The following POU6F2 variants were observed in gnomAD, a reference collection of about 807,000 sequenced individuals.
The protein encoded by POU6F2 is POU class 6 homeobox 2.
In POU6F2, 31 loss-of-function variants were observed where a neutral mutation model predicts 71.3. The observed-to-expected ratio is 0.43, with a 90% CI of 0.33 to 0.59. The LOEUF (loss-of-function observed/expected upper bound fraction) is 0.59, where lower values mean the gene tolerates loss of function less well. Among genes scored for constraint, POU6F2 ranks in the 20% least tolerant of loss-of-function variants. POU6F2 has a pLI of 0.04. For synonymous variants in POU6F2, 347 were observed against 355.7 expected, an observed-to-expected ratio of 0.98 and a Z score of 0.27; for missense variants, 783 against 856.8, an observed-to-expected ratio of 0.91 and a Z score of 1.07.
At chr7:39,193,709 G>A (rs1793717751) in intron 2 of POU6F2, among the ~76,000 whole-genome samples, 1 of 152,174 alleles carries the variant, frequency 6.6e-6, no homozygotes, top group African/African-American at 2.4e-5. Context: ...GTATTGAGTC[G>A]ATGGCAGCTA....
intron 2 of POU6F2, 92 bp downstream of exon 2, chr7:39,086,123 A>AT: frequency 8.1e-7 from 1 of 1,228,546 alleles, no homozygotes; most frequent in South Asian, 1.6e-5. Flanking sequence ...TCTGTTGTTC[A>AT]TTCAGTTTTC....
chr7:39,411,168 T>G (rs189311180), intron 6 of POU6F2, among the ~76,000 whole-genome samples: 220 of 152,300 alleles, frequency 1.4e-3, no homozygotes, highest in African/African-American at 5.0e-3. Context: ...ATTAAGTTAT[T>G]TTAAGGAAAT....
intron 2 of POU6F2, among the ~76,000 whole-genome samples, chr7:39,181,050 A>C (rs1793425138): frequency 6.6e-6 from 1 of 152,170 alleles, no homozygotes; most frequent in Non-Finnish European, 1.5e-5. Flanking sequence ...GTAGAGAAAA[A>C]CAGTCCTGTT....
intron 5 of POU6F2, among the ~76,000 whole-genome samples, chr7:39,351,521 C>T (rs1786139000): frequency 6.6e-6 from 1 of 152,136 alleles, no homozygotes; most frequent in South Asian, 2.1e-4. Flanking sequence ...CTTCTCAAAA[C>T]AAGAACAATT....
At chr7:39,440,949 T>A (rs1788388825) in intron 7 of POU6F2, among the ~76,000 whole-genome samples, 1 of 152,162 alleles carries the variant, frequency 6.6e-6, no homozygotes, top group Admixed American at 6.5e-5. Flanking sequence ...AAGTCCCTCT[T>A]CTGTAGGGCT....
chr7:39,445,466 C>T (rs1052678174), intron 7 of POU6F2, among the ~76,000 whole-genome samples: 6 of 152,140 alleles, frequency 3.9e-5, no homozygotes, highest in Non-Finnish European at 8.8e-5. Flanking sequence ...CATTCTGTGC[C>T]CCTGGCCTAG....
At chr7:39,220,655 G>T (rs977746683) in intron 4 of POU6F2, among the ~76,000 whole-genome samples, 26 of 152,142 alleles carry the variant, frequency 1.7e-4, no homozygotes, top group Non-Finnish European at 2.8e-4. Flanking sequence ...ACACTGACCA[G>T]ATTTACTTCC....
At chr7:38,999,969 T>C (rs1169502816) in intron 1 of POU6F2, among the ~76,000 whole-genome samples, 1 of 152,182 alleles carries the variant, frequency 6.6e-6, no homozygotes, top group East Asian at 1.9e-4. Context: ...TTCCCTAAAG[T>C]AGGTACTAAA....
intron 6 of POU6F2, among the ~76,000 whole-genome samples, chr7:39,432,058 T>A (rs150020932): frequency 6.6e-6 from 1 of 152,340 alleles, no homozygotes; most frequent in African/African-American, 2.4e-5. Context: ...TTTTACAGAT[T>A]ACATCTGTCA....
rs557917480 is a variant in POU6F2 at position 39,123,734 on chromosome 7, C to T, written c.277+37703C>T. On this transcript the variant is annotated intron_variant, in intron 2 of 9. Coordinates refer to ENST00000518318, the MANE Select transcript of POU6F2 (RefSeq NM_001370959.1). The stretch of plus-strand genomic sequence containing the variant: ...CTGCACTGCCTCATAGCAATGACTC[C>T]TCAGTTTCTTGGAGAGTTTTACCTT... 9.9e-5 allele frequency among the ~76,000 whole-genome samples: 15 copies of T among 151,618 alleles called. No individual in the cohort carries two copies. In the South Asian group the frequency reaches 2.9e-3, roughly 29 times the overall value.
chr7:39,397,113 C>T (rs1227775528), intron 5 of POU6F2, among the ~76,000 whole-genome samples: 1 of 151,904 alleles, frequency 6.6e-6, no homozygotes, highest in Non-Finnish European at 1.5e-5. Flanking sequence ...CTGGAATATT[C>T]CCAACTAGTA....
intron 2 of POU6F2, among the ~76,000 whole-genome samples, chr7:39,138,562 T>G (rs922439065): frequency 1.3e-5 from 2 of 152,174 alleles, no homozygotes; most frequent in Admixed American, 6.5e-5. Flanking sequence ...GCACTTCTTA[T>G]GAGAATCTAA....
intron 2 of POU6F2, among the ~76,000 whole-genome samples, chr7:39,098,938 C>T (rs1160907891): frequency 6.6e-6 from 1 of 152,170 alleles, no homozygotes; most frequent in Non-Finnish European, 1.5e-5. Context: ...CCATGCTTCT[C>T]CATAAGGAAA....
intron 5 of POU6F2, among the ~76,000 whole-genome samples, chr7:39,350,401 C>G (rs1459196404): frequency 2.0e-5 from 3 of 152,030 alleles, no homozygotes; most frequent in Non-Finnish European, 1.5e-5. Flanking sequence ...ATCTGGTTGT[C>G]TTGGAAACTT....
intron 8 of POU6F2, among the ~76,000 whole-genome samples, chr7:39,458,086 TG>T (rs1562560273): frequency 6.8e-6 from 1 of 146,156 alleles, no homozygotes; most frequent in African/African-American, 2.5e-5. Flanking sequence ...TATGGCCCTT[TG>T]GGGGACCACA....
chr7:38,990,258 C>T (rs1187460032), intron 1 of POU6F2, among the ~76,000 whole-genome samples: 1 of 151,626 alleles, frequency 6.6e-6, no homozygotes, highest in Non-Finnish European at 1.5e-5. Context: ...TAAAAAAAAT[C>T]CTGTGGTATT....
intron 4 of POU6F2, among the ~76,000 whole-genome samples, chr7:39,276,170 T>C (rs1583490895): frequency 6.6e-6 from 1 of 151,216 alleles, no homozygotes; most frequent in African/African-American, 2.4e-5. Context: ...AGGGCTAATA[T>C]CCAGAATCTG....
chr7:39,369,769 G>A (rs543275914), intron 5 of POU6F2, among the ~76,000 whole-genome samples: 3 of 151,828 alleles, frequency 2.0e-5, no homozygotes, highest in Admixed American at 6.6e-5. Context: ...CTACAGCCTC[G>A]ACCTCCCAGG....
intron 4 of POU6F2, among the ~76,000 whole-genome samples, chr7:39,316,282 C>G (rs967425539): frequency 2.0e-5 from 3 of 152,248 alleles, no homozygotes; most frequent in African/African-American, 7.2e-5. Flanking sequence ...TCCAGGGAGC[C>G]TCTGAACACT....
Sources: gnomAD v4.1 joint callset for allele counts (sites outside exome capture counted in the v4.1 genomes callset) on GRCh38, gnomAD v4.1.1 for gene constraint, MANE v1.5 for transcripts, NCBI Gene and HGNC (gene_info 2026-07-23, HGNC 2026-07-21) for gene names.